Variants in CFAP70 observed in about 807,000 individuals in gnomAD.
CFAP70 encodes cilia- and flagella-associated protein 70.
In CFAP70, 81 loss-of-function variants were observed where a neutral mutation model predicts 137.6. That is an observed-to-expected ratio of 0.59 (90% CI 0.49 to 0.71). The LOEUF is 0.71. CFAP70 is among the 30% of genes least tolerant of loss of function. The pLI is 0.00. For synonymous variants in CFAP70, 382 were observed against 423.6 expected (o/e 0.90, Z 1.20); for missense variants, 976 against 1,226.7 (o/e 0.80, Z 3.05).
intron 23 of CFAP70, 144 bp from the exon 25 acceptor site, chr10:73,273,161 A>G (rs2046440989): frequency 1.5e-6 from 1 of 685,762 alleles, no homozygotes; most frequent in Non-Finnish European, 2.6e-6. Context: ...CGTCTACCTT[A>G]AGGGAGTTAT....
At chr10:73,349,153 T>G (rs1334685530) in intron 3 of CFAP70, among the ~76,000 whole-genome samples, 2 of 152,146 alleles carry the variant, frequency 1.3e-5, no homozygotes, top group African/African-American at 4.8e-5. Flanking sequence ...CTTAGGTATT[T>G]TCTATTCTAT....
chr10:73,271,604 C>T (rs970248284), intron 24 of CFAP70, among the ~76,000 whole-genome samples: 4 of 152,148 alleles, frequency 2.6e-5, no homozygotes, highest in South Asian at 4.1e-4. Context: ...TGAAAAAAGA[C>T]GGGAGGAAAG....
chr10:73,338,432 C>CTTT (rs976162527), intron 6 of CFAP70, among the ~76,000 whole-genome samples: 1 of 108,494 alleles, frequency 9.2e-6, no homozygotes, highest in Admixed American at 9.7e-5. Context: ...ATGTGAATCT[C>CTTT]TTTTTTTTTT....
intron 24 of CFAP70, 121 bp downstream of exon 25, chr10:73,272,807 T>C (rs1215130380): frequency 1.2e-6 from 1 of 852,006 alleles, no homozygotes; most frequent in Non-Finnish European, 2.0e-6. Flanking sequence ...CAACTTTTCA[T>C]TACAGCAGAC....
At chr10:73,308,660 G>A (rs542362238) in intron 12 of CFAP70, among the ~76,000 whole-genome samples, 10 of 149,670 alleles carry the variant, frequency 6.7e-5, no homozygotes, top group African/African-American at 2.5e-4. Context: ...GAAATCATAT[G>A]AAGCATATTT....
chr10:73,304,950 A>G (rs1444724450), intron 12 of CFAP70, among the ~76,000 whole-genome samples: 1 of 152,168 alleles, frequency 6.6e-6, no homozygotes, highest in Non-Finnish European at 1.5e-5. Flanking sequence ...CTGAATCCAG[A>G]AGAAGGCAAT....
At chr10:73,335,836 G>GT (rs34962290) in intron 6 of CFAP70, among the ~76,000 whole-genome samples, 176 of 139,680 alleles carry the variant, frequency 1.3e-3, no homozygotes, top group Non-Finnish European at 1.2e-3. Context: ...TGGAGTTTTT[G>GT]TTTTTTTTTT....
intron 24 of CFAP70, 53 bp downstream of exon 25, chr10:73,272,875 G>T: frequency 2.7e-6 from 4 of 1,469,956 alleles, no homozygotes; most frequent in Non-Finnish European, 3.7e-6. Context: ...GAAGGCCAAG[G>T]AATCAAGGTC....
At chr10:73,268,617 G>A (rs949304328) in intron 25 of CFAP70, among the ~76,000 whole-genome samples, 2 of 152,114 alleles carry the variant, frequency 1.3e-5, no homozygotes, top group African/African-American at 4.8e-5. Flanking sequence ...GCCCAATAAA[G>A]TTAGGTGACT....
Position 73,344,749 on chromosome 10 carries a change from C to T in CFAP70, c.399+316G>A, listed in dbSNP as rs567347071. 7.2e-5 allele frequency among the ~76,000 whole-genome samples: 11 copies of T among 152,136 alleles called. No individual in the cohort carries two copies. In the East Asian group the frequency reaches 9.7e-4, roughly 13 times the overall value. Reference sequence around the variant, plus strand: ...AGAGAAAGTTTTGTTTAATAAAGCACGTTGCACAAAATCTGCAAAATGTAC... The same window carrying T: ...AGAGAAAGTTTTGTTTAATAAAGCATGTTGCACAAAATCTGCAAAATGTAC... On this transcript the variant is annotated intron_variant, in intron 5 of 26. Transcript: ENST00000310715.
intron 19 of CFAP70, among the ~76,000 whole-genome samples, chr10:73,282,087 C>T (rs1228174292): frequency 1.3e-5 from 2 of 151,290 alleles, no homozygotes; most frequent in African/African-American, 2.4e-5. Context: ...CATGGATCAA[C>T]TCATCCATAT....
At chr10:73,256,325 C>G in intron 26 of CFAP70, 44 bp downstream of exon 27, 1 of 1,611,474 alleles carries the variant, frequency 6.2e-7, no homozygotes, top group African/African-American at 1.3e-5. Context: ...AATTTCCCAC[C>G]CTTAACATGG....
chr10:73,273,949 T>G (rs899062006), intron 23 of CFAP70, among the ~76,000 whole-genome samples: 1 of 152,134 alleles, frequency 6.6e-6, no homozygotes, highest in Non-Finnish European at 1.5e-5. Flanking sequence ...AAAAGAAAGG[T>G]TTTGTTTTTC....
At chr10:73,266,466 T>C (rs1564751133) in intron 25 of CFAP70, among the ~76,000 whole-genome samples, 1 of 152,166 alleles carries the variant, frequency 6.6e-6, no homozygotes, top group African/African-American at 2.4e-5. Flanking sequence ...TGTGTGTATG[T>C]ATATGTGTTA....
chr10:73,310,239 T>C, exon 12 of CFAP70: 9 of 1,609,520 alleles, frequency 5.6e-6, no homozygotes, highest in Non-Finnish European at 7.6e-6. Flanking sequence ...TGTCCCTGCT[T>C]CTACATATTG....
intron 19 of CFAP70, among the ~76,000 whole-genome samples, chr10:73,287,734 C>T (rs559213114): frequency 1.3e-5 from 2 of 152,124 alleles, no homozygotes; most frequent in South Asian, 2.1e-4. Flanking sequence ...AGGAACATCC[C>T]AGGAGAAGAG....
chr10:73,256,332 A>G, intron 26 of CFAP70, 37 bp downstream of exon 27: 1 of 1,612,880 alleles, frequency 6.2e-7, no homozygotes, highest in Non-Finnish European at 8.5e-7. Context: ...CACCCTTAAC[A>G]TGGGGCAGGC....
intron 12 of CFAP70, among the ~76,000 whole-genome samples, chr10:73,308,981 G>A (rs2049664487): frequency 6.6e-6 from 1 of 152,188 alleles, no homozygotes; most frequent in Admixed American, 6.5e-5. Flanking sequence ...ACTAGCAAAA[G>A]GGGGGCACAC....
At chr10:73,324,626 C>G (rs1372404962) in intron 8 of CFAP70, among the ~76,000 whole-genome samples, 1 of 152,076 alleles carries the variant, frequency 6.6e-6, no homozygotes, top group East Asian at 1.9e-4. Flanking sequence ...ATAACCAATA[C>G]AGAGAAGTGC....
Sources: allele counts gnomAD v4.1 joint callset (sites outside exome capture counted in the v4.1 genomes callset), GRCh38; gene constraint gnomAD v4.1.1; transcripts MANE v1.5; gene names NCBI Gene and HGNC (gene_info 2026-07-23, HGNC 2026-07-21).